The following PLAGL1 variants were observed in gnomAD, a reference collection of about 807,000 sequenced individuals.
The protein encoded by PLAGL1 is zinc finger protein PLAGL1.
A neutral mutation model predicts 4.6 loss-of-function variants in PLAGL1; 1 was observed. The observed-to-expected ratio is 0.22, with a 90% CI of 0.08 to 1.03. The LOEUF (loss-of-function observed/expected upper bound fraction) is 1.03, where lower values mean the gene tolerates loss of function less well. PLAGL1 is among the 50% of genes least tolerant of loss of function. The pLI, the probability that PLAGL1 is intolerant of heterozygous loss-of-function variation, is 0.58. For missense variants in PLAGL1, 464 were observed against 570.4 expected (o/e 0.81, Z 1.90); for synonymous variants, 240 against 237.8 (o/e 1.01, Z -0.08).
chr6:143,942,373 G>A lies in PLAGL1; in HGVS notation c.443C>T (p.Pro148Leu), dbSNP rs748313279. ...GTGCTTCTTTTCCTTGGTTCCGCTA[G>A]GGGGCTTCTCTTCCGCATGGGCTTT... ...HLKAHAEEKP[P>L]SGTKEKKHQC... The change falls in exon 8 of 8, where the codon CCT becomes CTT. Residue 148 changes from proline to leucine, a missense_variant. This residue lies in a region of PLAGL1 where 161 missense variants were observed against 196.7 expected (regional missense o/e 0.82). Coordinates refer to ENST00000674357, the MANE Select transcript of PLAGL1 (RefSeq NM_001317162.2). This position sits in a 1 kb window ranked among gnomAD's most constrained non-coding sequence, Gnocchi z 7.6. The A allele has an allele frequency of 3.7e-6, 6 of 1,614,014 alleles. No individual in the cohort carries two copies. The African/African-American group carries it at 8.0e-5, about 22-fold the overall frequency.
At position 144,059,337 on chromosome 6, in the gene PLAGL1, C is replaced by T. The variant is rs919846042; in HGVS notation, c.-151+5131G>A. ...AGGGCCCCAGGCCTGGCCCTTTAAG[C>T]CATTCTTTCCTCCTAGGCCTCTGGG... On this transcript the variant is annotated intron_variant, in intron 1 of 3. Coordinates refer to the PLAGL1 transcript ENST00000437412. The surrounding 1 kb of genome is among the most constrained non-coding windows in gnomAD (Gnocchi z 4.9). 1.7e-4 allele frequency among the ~76,000 whole-genome samples: 26 copies of T among 152,220 alleles called. No individual in the cohort carries two copies. The highest frequency in any genetic ancestry group is 6.3e-4 in the African/African-American group (26 of 41,446).
intron 1 of PLAGL1, among the ~76,000 whole-genome samples, chr6:144,002,799 G>A (rs1367455577): frequency 6.6e-6 from 1 of 151,118 alleles, no homozygotes; most frequent in African/African-American, 2.4e-5. Context: ...TGCAATGAAG[G>A]GAAAGACTCA....
Position 144,015,787 on chromosome 6 carries a change from A to G in PLAGL1, c.-150-46809T>C, listed in dbSNP as rs1271205929. ...TCTCGCACATTGCTAGAAGAAATAT[A>G]AAATGATACAGCCACTTTGGAAAAC... On this transcript the variant is annotated intron_variant, in intron 1 of 3. Coordinates refer to the PLAGL1 transcript ENST00000437412. This position sits in a 1 kb window ranked among gnomAD's most constrained non-coding sequence, Gnocchi z 4.3. Among the ~76,000 whole-genome samples the G allele has an allele frequency of 6.6e-6, 1 of 152,246 alleles. No individual in the cohort carries two copies. The highest frequency in any genetic ancestry group is 1.5e-5 in the Non-Finnish European group (1 of 68,048).
intron 1 of PLAGL1, among the ~76,000 whole-genome samples, chr6:144,047,234 C>T (rs902478766): frequency 6.6e-6 from 1 of 152,188 alleles, no homozygotes; most frequent in Non-Finnish European, 1.5e-5. Flanking sequence ...GTGAGATGAA[C>T]CAGGTACCTC....
Position 143,941,355 on chromosome 6 carries a change from T to G in PLAGL1, c.*69A>C. 8.1e-7 allele frequency: 1 copy of G among 1,238,276 alleles called. No homozygotes were observed. The highest frequency in any genetic ancestry group is 2.5e-5 in the East Asian group (1 of 40,330). 76.7% of individuals were successfully genotyped at this position (1,238,276 alleles called of 1,614,324 possible). On this transcript the variant is annotated 3_prime_UTR_variant, in exon 8 of 8. Coordinates refer to ENST00000674357, the MANE Select transcript of PLAGL1 (RefSeq NM_001317162.2). This position sits in a 1 kb window ranked among gnomAD's most constrained non-coding sequence, Gnocchi z 6.0. ...TCTCGTTTTCCAAATCTTTCTCATA[T>G]TGTAACTGACATTTAAAATGCTTCT...
chr6:144,058,700 T>C (rs1292331138), intron 1 of PLAGL1, among the ~76,000 whole-genome samples: 1 of 152,210 alleles, frequency 6.6e-6, no homozygotes, highest in Non-Finnish European at 1.5e-5. Flanking sequence ...GTAATTTTCA[T>C]GCAAGTCTGA....
intron 1 of PLAGL1, among the ~76,000 whole-genome samples, chr6:144,023,767 GCTT>G (rs1796137312): frequency 9.4e-6 from 1 of 105,978 alleles, no homozygotes; most frequent in South Asian, 3.1e-4. Flanking sequence ...CTCATATTTA[GCTT>G]TTTTTTTTTT....
chr6:144,012,494 C>G (rs2128689864), upstream of PLAGL1, among the ~76,000 whole-genome samples: 1 of 152,266 alleles, frequency 6.6e-6, no homozygotes, highest in African/African-American at 2.4e-5. This position sits in a 1 kb window ranked among gnomAD's most constrained non-coding sequence, Gnocchi z 4.8. Flanking sequence ...GTCTCAGTCT[C>G]CCAAAGTGCT....
intron 1 of PLAGL1, among the ~76,000 whole-genome samples, chr6:144,052,511 C>T (rs1798647058): frequency 6.6e-6 from 1 of 152,184 alleles, no homozygotes; most frequent in Non-Finnish European, 1.5e-5. Context: ...TCCTGTCTAG[C>T]ACTCTACTCC....
At chr6:143,946,317 G>A (rs1330567763) in intron 7 of PLAGL1, among the ~76,000 whole-genome samples, 1 of 152,150 alleles carries the variant, frequency 6.6e-6, no homozygotes, top group Non-Finnish European at 1.5e-5. Context: ...TCTCTTCTAT[G>A]TGTCTCAGTC....
Position 144,056,672 on chromosome 6 carries a change from G to GT in PLAGL1, c.-151+7795dup, listed in dbSNP as rs1363231799. 4.0e-5 allele frequency among the ~76,000 whole-genome samples: 6 copies of GT among 151,394 alleles called. No individual in the cohort carries two copies. Among genetic ancestry groups the GT allele is most frequent in the African/African-American group, 1.2e-4 (5 of 40,976 alleles). On this transcript the variant is annotated intron_variant, in intron 1 of 3. Coordinates refer to the PLAGL1 transcript ENST00000437412. This position sits in a 1 kb window ranked among gnomAD's most constrained non-coding sequence, Gnocchi z 4.7. Reference sequence around the variant, plus strand: ...TTGATAGCTCTTTGTTTTTGTTTTTGTTTTTTTAAATTTAGACAGGTTATC... The same window carrying GT: ...TTGATAGCTCTTTGTTTTTGTTTTTGTTTTTTTTAAATTTAGACAGGTTATC...
Position 144,056,346 on chromosome 6 carries a change from C to T in PLAGL1, c.-151+8122G>A, listed in dbSNP as rs140356923. Among the ~76,000 whole-genome samples, 2 of 152,276 alleles carry T rather than the reference C, an allele frequency of 1.3e-5. No individual in the cohort carries two copies. The highest frequency in any genetic ancestry group is 1.9e-4 in the East Asian group (1 of 5,186). On this transcript the variant is annotated intron_variant, in intron 1 of 3. Coordinates refer to the PLAGL1 transcript ENST00000437412. This position sits in a 1 kb window ranked among gnomAD's most constrained non-coding sequence, Gnocchi z 4.7. ...ACACTGACACACCATTATCACCCAG[C>T]GTCCATGGTTCACATTCGGGCTCAC...
At chr6:144,062,962 A>C (rs1038597706) in intron 1 of PLAGL1, among the ~76,000 whole-genome samples, 6 of 152,194 alleles carry the variant, frequency 3.9e-5, no homozygotes, top group African/African-American at 1.4e-4. Context: ...AAGAGGAAGC[A>C]GAAATGGTGC....
At chr6:144,043,825 T>C (rs1421752075) in intron 1 of PLAGL1, among the ~76,000 whole-genome samples, 3 of 152,226 alleles carry the variant, frequency 2.0e-5, no homozygotes, top group Non-Finnish European at 4.4e-5. Flanking sequence ...TTTTGGTTGG[T>C]AGGCTGTTAA....
intron 2 of PLAGL1, among the ~76,000 whole-genome samples, chr6:143,974,198 G>T (rs1785989497): frequency 6.6e-6 from 1 of 152,328 alleles, no homozygotes; most frequent in East Asian, 1.9e-4. Context: ...ATAACAAAAT[G>T]CCTTCATTTC....
At chr6:144,049,085 G>A (rs1022737433) in intron 1 of PLAGL1, among the ~76,000 whole-genome samples, 1 of 152,154 alleles carries the variant, frequency 6.6e-6, no homozygotes, top group African/African-American at 2.4e-5. Flanking sequence ...CTAGGGCAGG[G>A]GCAAAATGCC....
rs562307806 is a variant in PLAGL1, at chr6:143,992,941, G to A, written c.-583-7767C>T. ...TGCAGTGAGCCGAGATCCTGCCACC[G>A]CACTCCAGCCTGGGTGACAGAGTGA... On this transcript the variant is annotated intron_variant, in intron 1 of 7. Coordinates refer to ENST00000674357, the MANE Select transcript of PLAGL1 (RefSeq NM_001317162.2). 1.1e-4 allele frequency among the ~76,000 whole-genome samples: 17 copies of A among 151,978 alleles called. No homozygotes were observed. The South Asian group carries it at 1.9e-3, about 17-fold the overall frequency.
Position 143,942,617 on chromosome 6 carries a change from A to G in PLAGL1, c.199T>C (p.Cys67Arg). Reference protein sequence around the residue: ...SPQKSHQCAHCEKTFNRKDHL... With the variant: ...SPQKSHQCAHREKTFNRKDHL... ...TCTTTCCGGTTGAACGTCTTCTCAC[A>G]GTGAGCACACTGGTGAGATTTCTGG... is the stretch of plus-strand genomic sequence containing the variant. Residue 67 changes from cysteine to arginine, a missense_variant, in exon 8 of 8, where the codon TGT (cysteine) becomes CGT (arginine). Coordinates refer to ENST00000674357, the MANE Select transcript of PLAGL1 (RefSeq NM_001317162.2). This position sits in a 1 kb window ranked among gnomAD's most constrained non-coding sequence, Gnocchi z 7.6. The G allele has an allele frequency of 6.2e-7, 1 of 1,614,010 alleles. No homozygotes were observed. The highest frequency in any genetic ancestry group is 8.5e-7 in the Non-Finnish European group (1 of 1,179,894).
chr6:144,028,614 A>G (rs1796551421), intron 1 of PLAGL1, among the ~76,000 whole-genome samples: 1 of 152,262 alleles, frequency 6.6e-6, no homozygotes, highest in African/African-American at 2.4e-5. Context: ...ATAAAAGAGT[A>G]CATTCCCTGC....
Sources: gnomAD v4.1 joint callset for allele counts (sites outside exome capture counted in the v4.1 genomes callset) on GRCh38, gnomAD v4.1.1 for gene constraint, gnomAD v4.1.1 regional missense constraint, Gnocchi (gnomAD v3.1) non-coding constraint, MANE v1.5 for transcripts, NCBI Gene and HGNC (gene_info 2026-07-23, HGNC 2026-07-21) for gene names.